The following BANK1 variants were observed in gnomAD, a reference collection of about 807,000 sequenced individuals.
BANK1 encodes the protein B cell scaffold protein with ankyrin repeats 1.
A neutral mutation model predicts 94.5 loss-of-function variants in BANK1; 95 were observed. The ratio of observed to expected loss-of-function variants is 1.00; its 90% CI spans 0.85 to 1.19. BANK1 has a LOEUF of 1.19. Among genes scored for constraint, BANK1 ranks in the 50% most tolerant of loss-of-function variants. The pLI is 0.00. For synonymous variants in BANK1, 334 were observed against 308.4 expected, an observed-to-expected ratio of 1.08 and a Z score of -0.87; for missense variants, 987 against 932.2, an observed-to-expected ratio of 1.06 and a Z score of -0.77.
At chr4:101,872,998 GAAAAA>G (rs992235435) in intron 5 of BANK1, among the ~76,000 whole-genome samples, 3 of 106,424 alleles carry the variant, frequency 2.8e-5, no homozygotes, top group African/African-American at 6.7e-5. Flanking sequence ...AAAAACTAAA[GAAAAA>G]AAAAAAAAGA....
chr4:101,827,005 G>A (rs1258656662), intron 1 of BANK1, among the ~76,000 whole-genome samples: 1 of 151,904 alleles, frequency 6.6e-6, no homozygotes, highest in Admixed American at 6.6e-5. Context: ...TCTGTTTTCA[G>A]AGGAAGAAGA....
intron 7 of BANK1, among the ~76,000 whole-genome samples, chr4:101,936,268 C>T (rs1037572788): frequency 6.7e-6 from 1 of 149,746 alleles, no homozygotes; most frequent in African/African-American, 2.4e-5. Context: ...TACATGTATG[C>T]ATACATGTAT....
rs781051653 is a variant in BANK1, at chr4:101,830,038, C to A, written c.301C>A (p.Leu101Met). ...RDLTPKKCQF[L>M]EKILHSPKSV... ...CCTAACTCCAAAGAAATGTCAGTTTCTGGAAAAGATACTTCATTCACCAAA... is the reference window on the plus strand; with the variant it reads ...CCTAACTCCAAAGAAATGTCAGTTTATGGAAAAGATACTTCATTCACCAAA... Residue 101 changes from leucine to methionine, a missense_variant, in exon 2 of 17, where the codon CTG becomes ATG. Transcript: ENST00000322953. 6.2e-7 allele frequency: 1 copy of A among 1,613,742 alleles called. No individual in the cohort carries two copies. Among genetic ancestry groups the A allele is most frequent in the Non-Finnish European group, 8.5e-7 (1 of 1,179,844 alleles).
chr4:101,815,532 A>G (rs909607316), intron 1 of BANK1, among the ~76,000 whole-genome samples: 1 of 152,152 alleles, frequency 6.6e-6, no homozygotes, highest in African/African-American at 2.4e-5. Context: ...AATTACACCA[A>G]CATCCACTAA....
chr4:101,828,087 T>G (rs547081981), intron 1 of BANK1, among the ~76,000 whole-genome samples: 1 of 151,894 alleles, frequency 6.6e-6, no homozygotes, highest in South Asian at 2.1e-4. Flanking sequence ...AGTCTATAAT[T>G]ATCCTGCTTT....
intron 13 of BANK1, among the ~76,000 whole-genome samples, chr4:102,070,321 G>A (rs552420145): frequency 8.5e-5 from 13 of 152,058 alleles, no homozygotes; most frequent in East Asian, 3.9e-4. Flanking sequence ...CACGGTGTCC[G>A]CCTTACACTT....
At chr4:101,960,808 A>G (rs1724540565) in intron 7 of BANK1, among the ~76,000 whole-genome samples, 2 of 152,188 alleles carry the variant, frequency 1.3e-5, no homozygotes, top group East Asian at 3.9e-4. Context: ...CATATATGTA[A>G]GGAGCAAAGA....
At chr4:101,860,277 C>G (rs1385857559) in intron 3 of BANK1, among the ~76,000 whole-genome samples, 2 of 151,956 alleles carry the variant, frequency 1.3e-5, no homozygotes, top group African/African-American at 2.4e-5. Flanking sequence ...AGTGTGGGGC[C>G]CTGTGTGACG....
chr4:101,814,698 C>T (rs1373583157), intron 1 of BANK1, among the ~76,000 whole-genome samples: 1 of 152,084 alleles, frequency 6.6e-6, no homozygotes, highest in Non-Finnish European at 1.5e-5. Context: ...ATTGGTGTGA[C>T]CTTGGGCAAG....
chr4:102,025,263 G>A lies in BANK1; in HGVS notation c.1348G>A (p.Ala450Thr). 5 of 1,614,140 alleles carry A rather than the reference G, an allele frequency of 3.1e-6. No individual in the cohort carries two copies. Among genetic ancestry groups the A allele is most frequent in the Non-Finnish European group, 4.2e-6 (5 of 1,180,016 alleles). ...GACATACGGGCAGAGTGCAGATGGAGCTGAGGCAAATGAAATGGAAGGGGA... is the reference window on the plus strand; with the variant it reads ...GACATACGGGCAGAGTGCAGATGGAACTGAGGCAAATGAAATGGAAGGGGA... ...RKTYGQSADG[A>T]EANEMEGEGK... The change falls in exon 9 of 17, where the codon GCT (alanine) becomes ACT (threonine). Residue 450 changes from alanine (A) to threonine (T), a missense_variant. By Grantham distance (58) the Ala-to-Thr change is moderately conservative (BLOSUM62 0). Transcript: ENST00000322953.
chr4:101,929,310 A>G (rs1241175831), intron 7 of BANK1, among the ~76,000 whole-genome samples: 2 of 151,670 alleles, frequency 1.3e-5, no homozygotes, highest in Middle Eastern at 3.2e-3. Flanking sequence ...GAAACATCAG[A>G]TTGTTGGAAG....
chr4:101,922,343 C>T (rs1236911430), intron 7 of BANK1, among the ~76,000 whole-genome samples: 1 of 151,684 alleles, frequency 6.6e-6, no homozygotes, highest in Non-Finnish European at 1.5e-5. Context: ...CCATTTAATT[C>T]AGTATATATC....
In BANK1 at chr4:102,013,923, T is replaced by C. The variant is rs146901252; in HGVS notation, c.1207-7591T>C. Among the ~76,000 whole-genome samples, 10 of 152,236 alleles carry C rather than the reference T, an allele frequency of 6.6e-5. No individual in the cohort carries two copies. The East Asian group carries it at 1.9e-3, about 29-fold the overall frequency. On this transcript the variant is annotated intron_variant, in intron 7 of 16. Coordinates refer to ENST00000322953, the MANE Select transcript of BANK1 (RefSeq NM_017935.5). ...TTCGAGTGTTTTCTATGTACAAAGT[T>C]CTGTGCTAAGCACTTGATAGGTCTT...
chr4:101,991,137 C>T (rs948619571), intron 7 of BANK1, among the ~76,000 whole-genome samples: 1 of 152,098 alleles, frequency 6.6e-6, no homozygotes. Flanking sequence ...CTCACCAAAC[C>T]CCACACAGCT....
intron 7 of BANK1, among the ~76,000 whole-genome samples, chr4:101,978,749 A>G (rs562221035): frequency 2.2e-4 from 33 of 152,056 alleles, no homozygotes; most frequent in Non-Finnish European, 4.3e-4. Flanking sequence ...TTCTTATTTA[A>G]TGCCACAGAT....
chr4:102,059,933 C>T (rs1469103735), intron 11 of BANK1, among the ~76,000 whole-genome samples: 3 of 152,280 alleles, frequency 2.0e-5, no homozygotes, highest in Middle Eastern at 3.4e-3. Context: ...AAAATTGGCA[C>T]TGCCATCAAC....
intron 1 of BANK1, 83 bp downstream of exon 1, chr4:101,791,033 A>G (rs753771130): frequency 5.9e-5 from 68 of 1,160,536 alleles, no homozygotes; most frequent in Non-Finnish European, 7.1e-5. Flanking sequence ...TCGTTAGACA[A>G]CTGCACTCGG....
Position 101,830,171 on chromosome 4 carries a change from A to G in BANK1, c.434A>G (p.Asp145Gly). 6.3e-7 allele frequency: 1 copy of G among 1,580,650 alleles called. No homozygotes were observed. The highest frequency in any genetic ancestry group is 8.6e-7 in the Non-Finnish European group (1 of 1,167,190). Residue 145 changes from aspartate to glycine, a missense_variant, in exon 2 of 17, where the codon GAC (aspartate) becomes GGC (glycine). Transcript: ENST00000322953. ...ATCTCAACTGAACAGGAACCTGAAG[A>G]CTACATCTCTGTAATCCAGAGTATC... Reference protein sequence around the residue: ...WEISTEQEPEDYISVIQSIIF... With the variant: ...WEISTEQEPEGYISVIQSIIF...
chr4:102,012,982 A>G lies in BANK1; in HGVS notation c.1207-8532A>G, dbSNP rs72929956. ...AATTAAAGCAACTTTTTGAACAATT[A>G]TATTGAGGTATTCAAAGCAGCAAGA... On this transcript the variant is annotated intron_variant, in intron 7 of 16. Coordinates refer to ENST00000322953, the MANE Select transcript of BANK1 (RefSeq NM_017935.5). Among the ~76,000 whole-genome samples, 946 of 152,228 alleles carry G rather than the reference A, an allele frequency of 6.2e-3. 10 individuals are homozygous for G. Among genetic ancestry groups the G allele is most frequent in the African/African-American group, 0.021 (884 of 41,544 alleles).
Sources: allele counts gnomAD v4.1 joint callset (sites outside exome capture counted in the v4.1 genomes callset), GRCh38; gene constraint gnomAD v4.1.1; transcripts MANE v1.5; gene names NCBI Gene and HGNC (gene_info 2026-07-23, HGNC 2026-07-21).